The following PLCG2 variants were observed in gnomAD, a reference collection of about 807,000 sequenced individuals.
The protein encoded by PLCG2 is 1-phosphatidylinositol 4,5-bisphosphate phosphodiesterase gamma-2.
A neutral mutation model predicts 175.6 loss-of-function variants in PLCG2; 69 were observed. The observed-to-expected ratio is 0.39, with a 90% CI of 0.32 to 0.48. The LOEUF is 0.48. Ranked by LOEUF, PLCG2 falls within the 20% of genes least tolerant of loss-of-function variation. PLCG2 has a pLI of 0.91. For missense variants in PLCG2, 1,798 were observed against 1,650.9 expected (o/e 1.09, Z -1.54); for synonymous variants, 827 against 624.0 (o/e 1.33, Z -4.85).
intron 2 of PLCG2, among the ~76,000 whole-genome samples, chr16:81,770,278 G>A (rs1022676465): frequency 1.3e-5 from 2 of 151,898 alleles, no homozygotes; most frequent in East Asian, 1.9e-4. Context: ...AAGGGCAACC[G>A]TTCTGACTAC....
At chr16:81,814,617 C>T (rs1041797325) in intron 2 of PLCG2, among the ~76,000 whole-genome samples, 3 of 152,064 alleles carry the variant, frequency 2.0e-5, no homozygotes, top group African/African-American at 7.2e-5. Flanking sequence ...ATCACTTGAA[C>T]CCGGGAGGTG....
chr16:81,939,974 G>A lies in PLCG2; in HGVS notation c.3396G>A (p.Leu1132=), dbSNP rs201475640. 2.0e-5 allele frequency: 33 copies of A among 1,614,006 alleles called. No individual in the cohort carries two copies. The Admixed American group carries it at 4.0e-4, about 20-fold the overall frequency. ...TTTATGACCCAAACCTGGCATTTCT[G>A]CGCTTTGTGGTTTATGAAGAAGATA... ...FEIYDPNLAF[L]RFVVYEEDMF... is the part of the protein sequence containing the mutation. The change falls in exon 30 of 33, where the codon CTG becomes CTA. Residue 1132 remains leucine, a synonymous_variant. Transcript: ENST00000564138.
intron 3 of PLCG2, among the ~76,000 whole-genome samples, chr16:81,855,631 T>C (rs1191927918): frequency 6.6e-6 from 1 of 152,216 alleles, no homozygotes; most frequent in Admixed American, 6.5e-5. Flanking sequence ...CTCAGTCGAC[T>C]TGGGGAGACA....
At chr16:81,811,785 T>C (rs1171521115) in intron 2 of PLCG2, among the ~76,000 whole-genome samples, 1 of 152,186 alleles carries the variant, frequency 6.6e-6, no homozygotes, top group Admixed American at 6.5e-5. Context: ...GGCATTTGGA[T>C]TGGTTCCATG....
chr16:81,916,852 G>T (rs1280557589), intron 19 of PLCG2, among the ~76,000 whole-genome samples: 1 of 152,080 alleles, frequency 6.6e-6, no homozygotes, highest in African/African-American at 2.4e-5. Flanking sequence ...TGGCCAGGCT[G>T]GTATCGAACT....
chr16:81,907,877 C>T, intron 16 of PLCG2, 103 bp downstream of exon 16: 1 of 753,626 alleles, frequency 1.3e-6, no homozygotes, highest in South Asian at 1.5e-5. Context: ...GGCCGGCTGG[C>T]AAGGGGATGC....
chr16:81,795,547 C>G (rs1439297932), intron 2 of PLCG2, among the ~76,000 whole-genome samples: 1 of 152,224 alleles, frequency 6.6e-6, no homozygotes, highest in Non-Finnish European at 1.5e-5. Context: ...CAATGGGACT[C>G]TGTGCTATCA....
chr16:81,827,599 C>G lies in PLCG2; in HGVS notation c.194-26845C>G, dbSNP rs571865761. 2.6e-5 allele frequency among the ~76,000 whole-genome samples: 4 copies of G among 152,158 alleles called. No individual in the cohort carries two copies. The East Asian group carries it at 7.7e-4, about 29-fold the overall frequency. ...CCTAAATAAGAGAAGCAGGTTGTAT[C>G]TAGGGGACAAATGACAATAAACACA... On this transcript the variant is annotated intron_variant, in intron 2 of 32. Transcript: ENST00000564138.
At chr16:81,788,902 A>C (rs1191397864) in intron 2 of PLCG2, among the ~76,000 whole-genome samples, 1 of 152,140 alleles carries the variant, frequency 6.6e-6, no homozygotes, top group Non-Finnish European at 1.5e-5. Flanking sequence ...CTTCCCCCAC[A>C]AGGGGTGAGA....
intron 2 of PLCG2, among the ~76,000 whole-genome samples, chr16:81,795,840 C>G (rs1911446022): frequency 6.6e-6 from 1 of 152,222 alleles, no homozygotes; most frequent in African/African-American, 2.4e-5. Context: ...GCTGGGATCA[C>G]AGGCATGGGC....
intron 31 of PLCG2, among the ~76,000 whole-genome samples, chr16:81,950,398 A>G (rs1911319015): frequency 6.6e-6 from 1 of 152,236 alleles, no homozygotes; most frequent in South Asian, 2.1e-4. Context: ...AGCAAATAGC[A>G]TAGTACCTAA....
At chr16:81,891,617 G>C in intron 11 of PLCG2, 27 bp downstream of exon 11, 2 of 1,304,896 alleles carry the variant, frequency 1.5e-6, no homozygotes, top group Non-Finnish European at 2.2e-6. Flanking sequence ...CCTGTGATGG[G>C]TTGGGCAGCA....
intron 25 of PLCG2, 23 bp downstream of exon 25, chr16:81,931,677 G>A (rs1333634340): frequency 2.5e-6 from 4 of 1,608,820 alleles, no homozygotes; most frequent in South Asian, 1.1e-5. Flanking sequence ...TCACCCGGGT[G>A]CAGGTGGGCC....
At position 81,921,280 on chromosome 16, in the gene PLCG2, G is replaced by T; in HGVS notation, c.2307+11G>T. The T allele has an allele frequency of 6.3e-7, 1 of 1,579,078 alleles. No individual in the cohort carries two copies. Reference sequence around the variant, plus strand: ...ATCAATCCGTCCATGGTACGGTGCCGAACCTCCAATTCACATGATTTTGGA... The same window carrying T: ...ATCAATCCGTCCATGGTACGGTGCCTAACCTCCAATTCACATGATTTTGGA... On this transcript the variant is annotated intron_variant, in intron 21 of 32. Transcript: ENST00000564138.
At chr16:81,883,669 G>T (rs1297080508) in intron 9 of PLCG2, 7 of 362,160 alleles carry the variant, frequency 1.9e-5, no homozygotes, top group Non-Finnish European at 3.1e-5. Flanking sequence ...CTGGCTGGGT[G>T]CACCTTTTCT....
At chr16:81,782,587 T>A in intron 1 of PLCG2, among the ~76,000 whole-genome samples, 1 of 152,186 alleles carries the variant, frequency 6.6e-6, no homozygotes. Context: ...GAAGATCTGT[T>A]TCCAATTGCA....
At chr16:81,854,719 C>A (rs1391822862) in intron 3 of PLCG2, 132 bp downstream of exon 3, 2 of 791,554 alleles carry the variant, frequency 2.5e-6, no homozygotes, top group Non-Finnish European at 4.2e-6. Context: ...TGAATCCCAG[C>A]CCTGCCCCTT....
intron 1 of PLCG2, among the ~76,000 whole-genome samples, chr16:81,753,346 T>C (rs1465958738): frequency 1.3e-5 from 2 of 150,106 alleles, no homozygotes; most frequent in South Asian, 4.2e-4. Flanking sequence ...TGGCAGGTTT[T>C]TTTTTTTTTT....
chr16:81,931,534 C>T lies in PLCG2; in HGVS notation c.2619C>T (p.Val873=), dbSNP rs1265145286. 3 of 1,613,990 alleles carry T rather than the reference C, an allele frequency of 1.9e-6. No homozygotes were observed. Among genetic ancestry groups the T allele is most frequent in the Admixed American group, 1.7e-5 (1 of 60,012 alleles). The change falls in exon 25 of 33, where the codon GTC becomes GTT. Residue 873 remains valine, a synonymous_variant. Transcript: ENST00000564138. ...APQGKNQKSF[V]FILEPKQQGD... ...AGGGAAAAAACCAGAAGTCCTTTGT[C>T]TTCATCCTGGAGCCCAAGCAGCAGG...
Sources: allele counts gnomAD v4.1 joint callset (sites outside exome capture counted in the v4.1 genomes callset), GRCh38; gene constraint gnomAD v4.1.1; transcripts MANE v1.5; gene names NCBI Gene and HGNC (gene_info 2026-07-23, HGNC 2026-07-21).